Variants in ROBO1 observed in about 807,000 individuals in gnomAD.
ROBO1 encodes the protein roundabout homolog 1.
ROBO1 carries 149 observed loss-of-function variants against 195.9 expected under a neutral mutation model. The ratio of observed to expected loss-of-function variants is 0.76; its 90% CI spans 0.67 to 0.87. The LOEUF (loss-of-function observed/expected upper bound fraction) is 0.87. Among genes scored for constraint, ROBO1 ranks in the 40% least tolerant of loss-of-function variants. The pLI is 0.00. For missense variants in ROBO1, 1,933 were observed against 2,068.3 expected, an observed-to-expected ratio of 0.93 and a Z score of 1.27; for synonymous variants, 816 against 733.2, an observed-to-expected ratio of 1.11 and a Z score of -1.82.
chr3:79,587,490 A>G (rs1219662090), intron 2 of ROBO1, among the ~76,000 whole-genome samples: 1 of 151,774 alleles, frequency 6.6e-6, no homozygotes, highest in Non-Finnish European at 1.5e-5. Flanking sequence ...TTATTTTTTT[A>G]GAAGCATGTT....
chr3:79,722,914 A>G (rs1702764910), intron 1 of ROBO1, among the ~76,000 whole-genome samples: 1 of 152,314 alleles, frequency 6.6e-6, no homozygotes, highest in African/African-American at 2.4e-5. Flanking sequence ...AATAGGTACC[A>G]GTGACTTTAC....
intron 3 of ROBO1, among the ~76,000 whole-genome samples, chr3:78,990,149 C>T (rs2077202627): frequency 6.6e-6 from 1 of 152,134 alleles, no homozygotes; most frequent in African/African-American, 2.4e-5. Context: ...ATATTTAATA[C>T]ACTAGAATAT....
chr3:78,981,056 T>G (rs1007030255), intron 3 of ROBO1, among the ~76,000 whole-genome samples: 1 of 152,124 alleles, frequency 6.6e-6, no homozygotes, highest in African/African-American at 2.4e-5. Context: ...AAATAGATAT[T>G]ACTGTTTCAT....
Position 79,125,492 on chromosome 3 carries a change from T to C in ROBO1, c.136A>G (p.Thr46Ala). Residue 46 changes from threonine (T) to alanine (A), a missense_variant, in exon 3 of 31, where the codon ACC (threonine) becomes GCC (alanine). Around this residue, in one of 3 missense-constraint regions of ROBO1, gnomAD observed 185 missense variants for 159.5 expected, o/e 1.16. Coordinates refer to ENST00000464233, the MANE Select transcript of ROBO1 (RefSeq NM_002941.4). ...AGCGAATTGTCATCGTTATCAGAGG[T>C]GGGGATTGGCGTCCCGTGGTCGTTC... is the stretch of plus-strand genomic sequence containing the variant. ...RGNDHGTPIP[T>A]SDNDDNSLGY... 1 of 1,613,618 alleles carries C rather than the reference T, an allele frequency of 6.2e-7. No individual in the cohort carries two copies. The highest frequency in any genetic ancestry group is 8.5e-7 in the Non-Finnish European group (1 of 1,179,754).
intron 27 of ROBO1, 123 bp from the exon 28 acceptor site, chr3:78,614,923 A>C (rs1418925189): frequency 8.6e-6 from 9 of 1,043,160 alleles, no homozygotes; most frequent in Non-Finnish European, 1.2e-5. Flanking sequence ...AGCAACAAAA[A>C]AAGCTTAAAC....
At chr3:79,153,703 T>C (rs2080810991) in intron 2 of ROBO1, among the ~76,000 whole-genome samples, 1 of 147,930 alleles carries the variant, frequency 6.8e-6, no homozygotes, top group African/African-American at 2.5e-5. Flanking sequence ...TATAGCTCTT[T>C]ATATATTTAT....
intron 2 of ROBO1, among the ~76,000 whole-genome samples, chr3:79,407,501 T>C (rs938943884): frequency 6.6e-6 from 1 of 152,198 alleles, no homozygotes; most frequent in Non-Finnish European, 1.5e-5. Context: ...CACTGCTTCC[T>C]TAGTAAAATT....
chr3:79,506,799 T>C (rs1022715146), intron 2 of ROBO1, among the ~76,000 whole-genome samples: 1 of 152,210 alleles, frequency 6.6e-6, no homozygotes, highest in African/African-American at 2.4e-5. Context: ...ATGTTGAGTT[T>C]CAAGTGTCAT....
chr3:79,126,935 C>A (rs545966046), intron 2 of ROBO1, among the ~76,000 whole-genome samples: 5 of 151,960 alleles, frequency 3.3e-5, no homozygotes, highest in Admixed American at 6.6e-5. Context: ...TATTTCCCCC[C>A]CTAATCTCCC....
At chr3:78,804,943 A>G (rs924108205) in intron 4 of ROBO1, among the ~76,000 whole-genome samples, 1 of 152,064 alleles carries the variant, frequency 6.6e-6, no homozygotes, top group African/African-American at 2.4e-5. Flanking sequence ...AGCTCCTTGA[A>G]GGTTCAGTTT....
intron 3 of ROBO1, among the ~76,000 whole-genome samples, chr3:79,086,271 T>C (rs1345511129): frequency 2.0e-5 from 3 of 151,988 alleles, no homozygotes; most frequent in Non-Finnish European, 1.5e-5. Context: ...ACCACAGTTC[T>C]GCAAGATAAA....
intron 3 of ROBO1, among the ~76,000 whole-genome samples, chr3:79,102,064 T>C (rs1211983465): frequency 6.6e-6 from 1 of 151,790 alleles, no homozygotes; most frequent in Non-Finnish European, 1.5e-5. Context: ...TGATCAGTAT[T>C]TGTACATATG....
chr3:78,776,120 T>C (rs1364881614), intron 4 of ROBO1, among the ~76,000 whole-genome samples: 2 of 152,198 alleles, frequency 1.3e-5, no homozygotes, highest in African/African-American at 2.4e-5. Flanking sequence ...CCAAAAAAGA[T>C]TTTTATCCAT....
At chr3:78,982,719 C>T (rs907088812) in intron 3 of ROBO1, among the ~76,000 whole-genome samples, 4 of 152,074 alleles carry the variant, frequency 2.6e-5, no homozygotes, top group South Asian at 4.2e-4. Flanking sequence ...ACATCCACCC[C>T]CCAGGTTCAG....
intron 3 of ROBO1, among the ~76,000 whole-genome samples, chr3:78,973,335 C>T (rs984599689): frequency 6.6e-6 from 1 of 150,894 alleles, no homozygotes; most frequent in African/African-American, 2.4e-5. Flanking sequence ...CAATATCATC[C>T]ATGTCCCCTT....
At chr3:79,386,685 G>C (rs912630424) in intron 2 of ROBO1, among the ~76,000 whole-genome samples, 12 of 152,076 alleles carry the variant, frequency 7.9e-5, no homozygotes, top group Non-Finnish European at 1.6e-4. Context: ...TTCACGCATT[G>C]GTTGTGAGAT....
chr3:78,861,540 A>AT (rs1345749272), intron 4 of ROBO1, among the ~76,000 whole-genome samples: 1 of 152,188 alleles, frequency 6.6e-6, no homozygotes, highest in Middle Eastern at 3.2e-3. Flanking sequence ...ACAAATTCCC[A>AT]TTTTCATTAC....
At chr3:79,058,600 G>T (rs6548611) in intron 3 of ROBO1, among the ~76,000 whole-genome samples, 1 of 152,046 alleles carries the variant, frequency 6.6e-6, no homozygotes, top group Non-Finnish European at 1.5e-5. Context: ...TTCCCATACA[G>T]AGTTGTGTTA....
chr3:78,978,454 T>A (rs2076927771), intron 3 of ROBO1, among the ~76,000 whole-genome samples: 1 of 152,122 alleles, frequency 6.6e-6, no homozygotes, highest in African/African-American at 2.4e-5. Context: ...CGACAGGCAC[T>A]TTGGGAGTCC....
Sources: allele counts gnomAD v4.1 joint callset (sites outside exome capture counted in the v4.1 genomes callset), GRCh38; gene constraint gnomAD v4.1.1; regional missense constraint gnomAD v4.1.1; transcripts MANE v1.5; gene names NCBI Gene and HGNC (gene_info 2026-07-23, HGNC 2026-07-21).